The following MAN1C1 variants were observed in gnomAD, a reference collection of about 807,000 sequenced individuals.
MAN1C1 encodes mannosidase alpha class 1C member 1.
A neutral mutation model predicts 71.5 loss-of-function variants in MAN1C1; 49 were observed. The observed-to-expected ratio is 0.69, with a 90% CI of 0.54 to 0.87. The LOEUF is 0.87. Ranked by LOEUF, MAN1C1 falls within the 40% of genes least tolerant of loss-of-function variation. The pLI, the probability that MAN1C1 is intolerant of heterozygous loss-of-function variation, is 0.00. For synonymous variants in MAN1C1, 352 were observed against 343.7 expected, an observed-to-expected ratio of 1.02 and a Z score of -0.27; for missense variants, 743 against 835.0, an observed-to-expected ratio of 0.89 and a Z score of 1.36.
At chr1:25,680,278 GT>G (rs911069187) in intron 1 of MAN1C1, among the ~76,000 whole-genome samples, 1 of 152,152 alleles carries the variant, frequency 6.6e-6, no homozygotes, top group African/African-American at 2.4e-5. Flanking sequence ...GGCCAGGCTG[GT>G]TTTGAACTCC....
At chr1:25,638,024 C>T (rs1279644720) in intron 1 of MAN1C1, among the ~76,000 whole-genome samples, 2 of 151,646 alleles carry the variant, frequency 1.3e-5, no homozygotes, top group African/African-American at 2.4e-5. Context: ...AGTGTTTATT[C>T]CATTTATATT....
intron 8 of MAN1C1, 70 bp downstream of exon 8, chr1:25,771,842 G>GTGCTGCCCGGAGCGAGA (rs2047557043): frequency 7.9e-7 from 1 of 1,271,216 alleles, no homozygotes; most frequent in Non-Finnish European, 1.1e-6. Context: ...GCCGAGCGAG[G>GTGCTGCCCGGAGCGAGA]GTGCTGCGGG....
rs777484158 is a variant in MAN1C1 at position 25,746,719 on chromosome 1, T to C, written c.689T>C (p.Met230Thr). The change falls in exon 3 of 12, where the codon ATG becomes ACG. Residue 230 changes from methionine to threonine, a missense_variant. Physicochemically the swap from Met to Thr is moderately conservative, Grantham distance 81 (BLOSUM62 -1). Coordinates refer to ENST00000374332, the MANE Select transcript of MAN1C1 (RefSeq NM_020379.4). The surrounding 1 kb of genome is among the most constrained non-coding windows in gnomAD (Gnocchi z 4.0). Reference sequence around the variant, plus strand: ...GACTCCCTCGATACCCTCTACCTCATGGAGCTGAAGGAGGAGTTCCAGGAG... The same window carrying C: ...GACTCCCTCGATACCCTCTACCTCACGGAGCTGAAGGAGGAGTTCCAGGAG... ...VIDSLDTLYL[M>T]ELKEEFQEAK... 6.4e-7 allele frequency: 1 copy of C among 1,574,490 alleles called. No individual in the cohort carries two copies. The highest frequency in any genetic ancestry group is 8.6e-7 in the Non-Finnish European group (1 of 1,158,542).
intron 5 of MAN1C1, 126 bp from the exon 6 acceptor site, chr1:25,758,466 G>A (rs1401019557): frequency 2.0e-5 from 15 of 751,506 alleles, no homozygotes; most frequent in East Asian, 7.8e-5. Context: ...GAAATTGTAC[G>A]GCGAAAGCTC....
In MAN1C1 at chr1:25,746,838, A is replaced by G. The variant is rs1182818571; in HGVS notation, c.753+55A>G. The G allele has an allele frequency of 3.4e-6, 4 of 1,181,856 alleles. No homozygotes were observed. In the African/African-American group the frequency reaches 4.6e-5, roughly 13 times the overall value. The allele number at this position is 1,181,856 out of a possible 1,614,324, so 73.2% of individuals were successfully genotyped here. On this transcript the variant is annotated intron_variant, in intron 3 of 11. Coordinates refer to ENST00000374332, the MANE Select transcript of MAN1C1 (RefSeq NM_020379.4). This position sits in a 1 kb window ranked among gnomAD's most constrained non-coding sequence, Gnocchi z 4.0. ...GGGCGGGGGCCAGAAGAGGCCCAACAGCCAGCTTCACCCTGTCATCTCTGA... is the reference window on the plus strand; with the variant it reads ...GGGCGGGGGCCAGAAGAGGCCCAACGGCCAGCTTCACCCTGTCATCTCTGA...
intron 2 of MAN1C1, among the ~76,000 whole-genome samples, chr1:25,698,819 T>A (rs113327718): frequency 2.0e-5 from 3 of 151,902 alleles, no homozygotes; most frequent in African/African-American, 7.2e-5. Flanking sequence ...CATGGTGGCA[T>A]GCATCTGTAA....
chr1:25,783,875 C>A lies in MAN1C1; in HGVS notation c.*86C>A, dbSNP rs771704003. The A allele has an allele frequency of 1.3e-6, 2 of 1,510,186 alleles. No homozygotes were observed. The highest frequency in any genetic ancestry group is 1.8e-6 in the Non-Finnish European group (2 of 1,122,176). 93.5% of individuals were successfully genotyped at this position (1,510,186 alleles called of 1,614,324 possible). On this transcript the variant is annotated 3_prime_UTR_variant, in exon 12 of 12. Transcript: ENST00000374332. ...AGACTGTTCTCAAAGGGATTGGGAACGAAGGCCCCATCTCGGGCAGACCCC... is the reference window on the plus strand; with the variant it reads ...AGACTGTTCTCAAAGGGATTGGGAAAGAAGGCCCCATCTCGGGCAGACCCC...
At chr1:25,737,821 T>C (rs2047003660) in intron 2 of MAN1C1, among the ~76,000 whole-genome samples, 1 of 152,118 alleles carries the variant, frequency 6.6e-6, no homozygotes, top group African/African-American at 2.4e-5. Context: ...CCGAGCCATC[T>C]CTGCAAAGGA....
Position 25,753,170 on chromosome 1 carries a change from A to G in MAN1C1, c.835-314A>G, listed in dbSNP as rs1056209776. ...CAGTGGCTGCCCCATCCCAATAAGC[A>G]GCATCCAGCCTTTGCCACCAGAGTC... On this transcript the variant is annotated intron_variant, in intron 4 of 11. Coordinates refer to ENST00000374332, the MANE Select transcript of MAN1C1 (RefSeq NM_020379.4). This position sits in a 1 kb window ranked among gnomAD's most constrained non-coding sequence, Gnocchi z 4.9. Among the ~76,000 whole-genome samples the G allele has an allele frequency of 6.6e-6, 1 of 151,780 alleles. No individual in the cohort carries two copies. The highest frequency in any genetic ancestry group is 2.4e-5 in the African/African-American group (1 of 41,274).
chr1:25,669,671 TA>T (rs2045969266), intron 1 of MAN1C1, among the ~76,000 whole-genome samples: 1 of 152,104 alleles, frequency 6.6e-6, no homozygotes, highest in African/African-American at 2.4e-5. Context: ...TCCCAGCTAC[TA>T]GGGAGGCTGA....
chr1:25,747,401 T>C (rs1007308232), intron 3 of MAN1C1, among the ~76,000 whole-genome samples: 5 of 152,230 alleles, frequency 3.3e-5, no homozygotes, highest in African/African-American at 7.2e-5. Flanking sequence ...CCCACCATGT[T>C]GATCTCTCAG....
At position 25,764,099 on chromosome 1, in the gene MAN1C1, G is replaced by A. The variant is rs1229639424; in HGVS notation, c.1141+132G>A. ...CATGCAGCCAGCAAGGCATTCGCTCGGTGCTCCTGGACACCACCTGCCTTC... is the reference window on the plus strand; with the variant it reads ...CATGCAGCCAGCAAGGCATTCGCTCAGTGCTCCTGGACACCACCTGCCTTC... On this transcript the variant is annotated intron_variant, in intron 7 of 11. Coordinates refer to ENST00000374332, the MANE Select transcript of MAN1C1 (RefSeq NM_020379.4). This position sits in a 1 kb window ranked among gnomAD's most constrained non-coding sequence, Gnocchi z 4.4. 19 of 709,672 alleles carry A rather than the reference G, an allele frequency of 2.7e-5. No homozygotes were observed. Among genetic ancestry groups the A allele is most frequent in the Admixed American group, 4.8e-5 (2 of 41,970 alleles). The allele number at this position is 709,672 out of a possible 1,614,324, so 44.0% of individuals were successfully genotyped here.
chr1:25,651,863 A>T (rs555202051), intron 1 of MAN1C1, among the ~76,000 whole-genome samples: 1 of 152,374 alleles, frequency 6.6e-6, no homozygotes, highest in African/African-American at 2.4e-5. Flanking sequence ...TTAGAAAAGC[A>T]ACTAAGTCCT....
intron 2 of MAN1C1, among the ~76,000 whole-genome samples, chr1:25,686,743 CT>C (rs930623215): frequency 1.2e-4 from 19 of 152,166 alleles, no homozygotes; most frequent in African/African-American, 3.6e-4. Context: ...ATGCTTCTCT[CT>C]AGCCTTAGAG....
At chr1:25,628,050 A>G (rs1229457037) in intron 1 of MAN1C1, among the ~76,000 whole-genome samples, 1 of 152,012 alleles carries the variant, frequency 6.6e-6, no homozygotes, top group African/African-American at 2.4e-5. Context: ...CTGTCTAAAA[A>G]ACTGAGATTT....
chr1:25,771,966 A>G (rs2047559197), intron 8 of MAN1C1, 194 bp downstream of exon 8: 2 of 583,294 alleles, frequency 3.4e-6, no homozygotes, highest in East Asian at 2.9e-5. Context: ...ACCCTCCCAC[A>G]TGCTCTAAGA....
At chr1:25,703,927 T>C (rs2255298) in intron 2 of MAN1C1, among the ~76,000 whole-genome samples, 146,408 of 152,206 alleles carry the variant, frequency 0.96, 70,483 homozygotes, top group East Asian at 1. Context: ...AAGGAGCTTT[T>C]GGGTCACAAA....
intron 1 of MAN1C1, among the ~76,000 whole-genome samples, chr1:25,669,140 A>G (rs1052406889): frequency 6.6e-6 from 1 of 152,188 alleles, no homozygotes; most frequent in Non-Finnish European, 1.5e-5. Flanking sequence ...GCGTATGGCA[A>G]GGTCTGTTTT....
At chr1:25,621,180 T>C (rs1432232228) in intron 1 of MAN1C1, among the ~76,000 whole-genome samples, 9 of 152,196 alleles carry the variant, frequency 5.9e-5, no homozygotes, top group Non-Finnish European at 4.4e-5. Flanking sequence ...TCCATAGCGG[T>C]TGGGCTTTCC....
Sources: gnomAD v4.1 joint callset for allele counts (sites outside exome capture counted in the v4.1 genomes callset) on GRCh38, gnomAD v4.1.1 for gene constraint, Gnocchi (gnomAD v3.1) non-coding constraint, MANE v1.5 for transcripts, NCBI Gene and HGNC (gene_info 2026-07-23, HGNC 2026-07-21) for gene names.